ZFP28: variants seen among roughly 807,000 people sequenced by gnomAD.
ZFP28 encodes ZFP28 zinc finger protein.
Under a neutral mutation model 39.5 loss-of-function variants are expected in ZFP28, and 31 were observed. The observed-to-expected ratio is 0.79, with a 90% CI of 0.59 to 1.06. ZFP28 has a LOEUF of 1.06. Among genes scored for constraint, ZFP28 ranks in the 50% least tolerant of loss-of-function variants. The pLI, the probability that ZFP28 is intolerant of heterozygous loss-of-function variation, is 0.00. For missense variants in ZFP28, 925 were observed against 1,048.4 expected, an observed-to-expected ratio of 0.88 and a Z score of 1.63; for synonymous variants, 400 against 378.6, an observed-to-expected ratio of 1.06 and a Z score of -0.66.
intron 6 of ZFP28, 133 bp from the exon 7 acceptor site, chr19:56,550,377 G>C: frequency 1.1e-6 from 1 of 891,728 alleles, no homozygotes; most frequent in Non-Finnish European, 1.7e-6. Context: ...TTATCTTCTT[G>C]TGTCTTTCAG....
At chr19:56,539,566 G>C (rs1331886711) in intron 1 of ZFP28, 59 bp from the exon 2 acceptor site, 1 of 1,437,724 alleles carries the variant, frequency 7.0e-7, no homozygotes, top group East Asian at 2.3e-5. Flanking sequence ...GACGTTTCTA[G>C]GCTGGTGATT....
At chr19:56,549,898 TG>T (rs1357959749) in intron 5 of ZFP28, among the ~76,000 whole-genome samples, 168 bp from the exon 6 acceptor site, 4 of 152,214 alleles carry the variant, frequency 2.6e-5, no homozygotes, top group Non-Finnish European at 5.9e-5. Context: ...TCCCCAAACA[TG>T]TATGCTATAA....
Position 56,554,076 on chromosome 19 carries a change from C to G in ZFP28, c.1291C>G (p.Gln431Glu). The change falls in exon 8 of 8, where the codon CAG becomes GAG. Residue 431 changes from glutamine to glutamate, a missense_variant. Around this residue, in one of 2 missense-constraint regions of ZFP28, gnomAD observed 556 missense variants for 542.9 expected, o/e 1.02. Coordinates refer to ENST00000301318, the MANE Select transcript of ZFP28 (RefSeq NM_020828.2). The surrounding 1 kb of genome is among the most constrained non-coding windows in gnomAD (Gnocchi z 6.7). ...TAATGAATGTAAGAAAACTTTTACC[C>G]AGAGCTCATCTCTTACTGTTCATCA... ...KCNECKKTFT[Q>E]SSSLTVHQRI... 6.2e-7 allele frequency: 1 copy of G among 1,614,190 alleles called. No homozygotes were observed. Among genetic ancestry groups the G allele is most frequent in the Non-Finnish European group, 8.5e-7 (1 of 1,180,038 alleles).
At chr19:56,538,754 C>T (rs1199380502), upstream of ZFP28, among the ~76,000 whole-genome samples, 1 of 138,992 alleles carries the variant, frequency 7.2e-6, no homozygotes, top group Non-Finnish European at 1.5e-5. Context: ...AAGCGCCGGG[C>T]TTCTCTAGGC....
chr19:56,555,680 G>A lies in ZFP28; in HGVS notation c.*288G>A. ...TCAGCTCTGATAAAAAAATGATGCA[G>A]TAGGGTGAGGGTAGGAAAAAGCACA... On this transcript the variant is annotated 3_prime_UTR_variant, in exon 8 of 8. Transcript: ENST00000301318. 3.0e-6 allele frequency: 1 copy of A among 328,796 alleles called. No homozygotes were observed. Among genetic ancestry groups the A allele is most frequent in the Non-Finnish European group, 5.5e-6 (1 of 182,628 alleles). 20.4% of individuals were successfully genotyped at this position (328,796 alleles called of 1,614,324 possible).
At chr19:56,546,626 GA>G (rs1284879117) in intron 2 of ZFP28, 7 of 151,896 alleles carry the variant, frequency 4.6e-5, no homozygotes, top group Non-Finnish European at 1.0e-4. Context: ...AAAATTGCTA[GA>G]TTTTTTTTTA....
In ZFP28 at chr19:56,539,025, G is replaced by A; in HGVS notation, c.7G>A (p.Gly3Arg). Residue 3 changes from glycine to arginine, a missense_variant, in exon 1 of 8, where the codon GGG becomes AGG. Gly to Arg is a moderately radical substitution (Grantham distance 125). Transcript: ENST00000301318. ...TCGCGCGGCCTCGGGTGACATGCGG[G>A]GGGCGGCGAGCGCGAGTGTCCGCGA... MR[G>R]AASASVREPT... The A allele has an allele frequency of 7.0e-7, 1 of 1,433,472 alleles. No homozygotes were observed. The highest frequency in any genetic ancestry group is 9.1e-7 in the Non-Finnish European group (1 of 1,100,488). 88.8% of individuals were successfully genotyped at this position (1,433,472 alleles called of 1,614,324 possible).
At chr19:56,550,742 T>C in intron 7 of ZFP28, 137 bp downstream of exon 7, 3 of 1,547,760 alleles carry the variant, frequency 1.9e-6, no homozygotes, top group African/African-American at 1.4e-5. Context: ...AATTGAACTC[T>C]GGGAGTTCCA....
chr19:56,547,323 C>A lies in ZFP28; in HGVS notation c.301-185C>A. On this transcript the variant is annotated intron_variant, in intron 2 of 7. Coordinates refer to ENST00000301318, the MANE Select transcript of ZFP28 (RefSeq NM_020828.2). This position sits in a 1 kb window ranked among gnomAD's most constrained non-coding sequence, Gnocchi z 4.6. ...TTGGGTTAGGGCCCCACCCATATGA[C>A]CTCATTTAACCCTAATTACCTCTTT... 1 of 797,234 alleles carries A rather than the reference C, an allele frequency of 1.3e-6. No homozygotes were observed. The highest frequency in any genetic ancestry group is 1.8e-5 in the South Asian group (1 of 54,954). The allele number at this position is 797,234 out of a possible 1,614,324, so 49.4% of individuals were successfully genotyped here.
Position 56,555,265 on chromosome 19 carries a change from A to C in ZFP28, c.2480A>C (p.His827Pro), listed in dbSNP as rs753820089. ...KSRKVFRQTA[H>P]LAHHQRIHTG... is the part of the protein sequence containing the mutation. ...AGAAAAGTCTTCAGGCAAACTGCTC[A>C]CTTAGCTCATCATCAGCGAATTCAT... Residue 827 changes from histidine to proline, a missense_variant, in exon 8 of 8, where the codon CAC becomes CCC. Around this residue, in one of 2 missense-constraint regions of ZFP28, gnomAD observed 369 missense variants for 505.5 expected, o/e 0.73. Transcript: ENST00000301318. The C allele has an allele frequency of 1.9e-6, 3 of 1,614,188 alleles. No individual in the cohort carries two copies. Among genetic ancestry groups the C allele is most frequent in the Middle Eastern group, 1.6e-4 (1 of 6,062 alleles).
chr19:56,548,702 C>T (rs2044265498), intron 4 of ZFP28, among the ~76,000 whole-genome samples: 1 of 152,166 alleles, frequency 6.6e-6, no homozygotes, highest in South Asian at 2.1e-4. Context: ...AATGTGAACT[C>T]TTATTCAACT....
Position 56,555,470 on chromosome 19 carries a change from C to T in ZFP28, c.*78C>T. The T allele has an allele frequency of 6.9e-7, 1 of 1,449,102 alleles. No homozygotes were observed. Among genetic ancestry groups the T allele is most frequent in the Non-Finnish European group, 9.1e-7 (1 of 1,098,806 alleles). 89.8% of individuals were successfully genotyped at this position (1,449,102 alleles called of 1,614,324 possible). ...CCTGCCCTTTTGTTTTCTTTTTGTC[C>T]CTTATTAGTTAGTTCTTCACATAAG... On this transcript the variant is annotated 3_prime_UTR_variant, in exon 8 of 8. Coordinates refer to ENST00000301318, the MANE Select transcript of ZFP28 (RefSeq NM_020828.2).
chr19:56,551,831 G>A (rs2044307069), intron 7 of ZFP28: 3 of 983,028 alleles, frequency 3.1e-6, no homozygotes, highest in East Asian at 1.1e-4. Context: ...TCTCTCTTGT[G>A]TGTTAAATAT....
rs200487701 is a variant in ZFP28, at chr19:56,547,630, G to A, written c.423G>A (p.Ser141=). The A allele has an allele frequency of 8.1e-6, 13 of 1,608,002 alleles. No homozygotes were observed. The highest frequency in any genetic ancestry group is 1.7e-4 in the Middle Eastern group (1 of 6,016). The change falls in exon 3 of 8, where the codon TCG becomes TCA. Residue 141 remains serine (S), a synonymous_variant. Transcript: ENST00000301318. The surrounding 1 kb of genome is among the most constrained non-coding windows in gnomAD (Gnocchi z 4.6). ...TGGAGAACTACAGGAACCTGGCATC[G>A]CTGGGTAAGGGCTCCCACCCCTTTT... The part of the protein sequence containing the change: ...VMLENYRNLA[S]LGLCVSKPDV...
intron 1 of ZFP28, 126 bp from the exon 2 acceptor site, chr19:56,539,499 G>A (rs563866566): frequency 2.4e-6 from 2 of 826,108 alleles, no homozygotes; most frequent in Non-Finnish European, 3.8e-6. Flanking sequence ...CTATCTCCAC[G>A]TTGTGGCAGT....
intron 2 of ZFP28, among the ~76,000 whole-genome samples, chr19:56,545,199 G>T (rs1176770820): frequency 1.3e-5 from 2 of 152,292 alleles, no homozygotes; most frequent in Admixed American, 1.3e-4. Context: ...ACACTGCAGG[G>T]GGCCTTTCAG....
Position 56,539,079 on chromosome 19 carries a change from C to G in ZFP28, c.61C>G (p.Pro21Ala). ...GACGCCGCTCCCGGGTAGAGGCGCC[C>G]CCCGCACAAAGCCCCGGGCGGGCCG... is the stretch of plus-strand genomic sequence containing the variant. ...EPTPLPGRGA[P>A]RTKPRAGRGP... is the part of the protein sequence containing the mutation. Residue 21 changes from proline (P) to alanine (A), a missense_variant, in exon 1 of 8, where the codon CCC (proline) becomes GCC (alanine). Transcript: ENST00000301318. 6.5e-7 allele frequency: 1 copy of G among 1,532,354 alleles called. No individual in the cohort carries two copies. Among genetic ancestry groups the G allele is most frequent in the Non-Finnish European group, 8.7e-7 (1 of 1,144,798 alleles). The allele number at this position is 1,532,354 out of a possible 1,614,324, so 94.9% of individuals were successfully genotyped here. A position where few individuals can be genotyped will look rare whatever the true frequency, so the allele number is the denominator to read the frequency against.
At chr19:56,537,922 A>G (rs940110407), upstream of ZFP28, 1 of 152,158 alleles carries the variant, frequency 6.6e-6, no homozygotes, top group Non-Finnish European at 1.5e-5. Context: ...GGTCCTAAAC[A>G]TGTTCAAGAA....
intron 2 of ZFP28, among the ~76,000 whole-genome samples, chr19:56,540,750 G>A (rs1237838562): frequency 6.6e-6 from 1 of 152,146 alleles, no homozygotes; most frequent in Admixed American, 6.5e-5. Context: ...GTAAATGAAT[G>A]GATGGGCTGT....
Sources: gnomAD v4.1 joint callset for allele counts (sites outside exome capture counted in the v4.1 genomes callset) on GRCh38, gnomAD v4.1.1 for gene constraint, gnomAD v4.1.1 regional missense constraint, Gnocchi (gnomAD v3.1) non-coding constraint, MANE v1.5 for transcripts, NCBI Gene and HGNC (gene_info 2026-07-23, HGNC 2026-07-21) for gene names.